The following SLIT2 variants were observed in gnomAD, a reference collection of about 807,000 sequenced individuals.
SLIT2 encodes slit homolog 2 protein.
Under a neutral mutation model 185.7 loss-of-function variants are expected in SLIT2, and 41 were observed. The observed-to-expected ratio is 0.22, with a 90% confidence interval of 0.17 to 0.29. The LOEUF is 0.29. Ranked by LOEUF, SLIT2 falls within the 10% of genes least tolerant of loss-of-function variation. The pLI is 1.00. For missense variants in SLIT2, 1,571 were observed against 1,909.0 expected (o/e 0.82, Z 3.30); for synonymous variants, 693 against 680.2 (o/e 1.02, Z -0.29).
At chr4:20,388,604 T>C (rs1725116949) in intron 4 of SLIT2, among the ~76,000 whole-genome samples, 1 of 151,520 alleles carries the variant, frequency 6.6e-6, no homozygotes, top group Admixed American at 6.6e-5. Context: ...CAAAACCCCA[T>C]CTCTACTACA....
chr4:20,425,627 C>T (rs1728501135), intron 4 of SLIT2, among the ~76,000 whole-genome samples: 1 of 152,166 alleles, frequency 6.6e-6, no homozygotes, highest in South Asian at 2.1e-4. Context: ...TTTTCCAAAT[C>T]TTCCTGTCCA....
At chr4:20,262,784 C>T (rs985191606) in intron 3 of SLIT2, among the ~76,000 whole-genome samples, 32 of 151,854 alleles carry the variant, frequency 2.1e-4, no homozygotes, top group African/African-American at 7.7e-4. Flanking sequence ...TTTACTGACG[C>T]TGGTCATAGA....
In SLIT2 at chr4:20,359,459, G is replaced by A. The variant is rs550772796; in HGVS notation, c.395+90578G>A. Among the ~76,000 whole-genome samples the A allele has an allele frequency of 7.2e-5, 11 of 152,178 alleles. No individual in the cohort carries two copies. The South Asian group carries it at 2.3e-3, about 32-fold the overall frequency. On this transcript the variant is annotated intron_variant, in intron 4 of 36. Coordinates refer to ENST00000504154, the MANE Select transcript of SLIT2 (RefSeq NM_004787.4). ...ATCTACTAAGCACTTAAAAATTAGA[G>A]ACAAATAATATTCAGATTCATATGT...
At chr4:20,589,992 TCC>T (rs1727378528) in intron 30 of SLIT2, among the ~76,000 whole-genome samples, 1 of 132,794 alleles carries the variant, frequency 7.5e-6, no homozygotes, top group Non-Finnish European at 1.5e-5. Flanking sequence ...TACAACCTCC[TCC>T]TCCCAGGTTC....
rs563104468 is a variant in SLIT2 at position 20,363,162 on chromosome 4, T to C, written c.395+94281T>C. 4.9e-4 allele frequency among the ~76,000 whole-genome samples: 74 copies of C among 152,134 alleles called. 2 individuals carry two copies. Among genetic ancestry groups the C allele is most frequent in the Admixed American group, 3.9e-3 (60 of 15,252 alleles). ...TATAGTGAATCTCATGAACAAGTAA[T>C]ATAGACTAAACAATCTGACATTAAA... On this transcript the variant is annotated intron_variant, in intron 4 of 36. Transcript: ENST00000504154.
chr4:20,488,531 G>A (rs1332305041), intron 7 of SLIT2, among the ~76,000 whole-genome samples: 20 of 151,694 alleles, frequency 1.3e-4, no homozygotes, highest in Non-Finnish European at 2.8e-4. Context: ...GGAGCAATTT[G>A]CATTGGACTT....
intron 16 of SLIT2, among the ~76,000 whole-genome samples, chr4:20,530,729 A>G (rs1721724371): frequency 1.3e-5 from 2 of 152,266 alleles, no homozygotes; most frequent in Middle Eastern, 3.4e-3. Context: ...AAATATTTGC[A>G]AGTCATGTAT....
chr4:20,463,690 A>G (rs1714032525), intron 4 of SLIT2, among the ~76,000 whole-genome samples: 1 of 150,112 alleles, frequency 6.7e-6, no homozygotes, highest in Non-Finnish European at 1.5e-5. Flanking sequence ...CTGGCTAACA[A>G]GGCAAAACCC....
chr4:20,596,489 A>G lies in SLIT2; in HGVS notation c.3395A>G (p.Asn1132Ser), dbSNP rs1487887474. ...TSPCDNFDCQ[N>S]GAQCIVRINE... ...CCCTGTGATAATTTTGATTGTCAGA[A>G]TGGAGCTCAGTGTATCGTCAGAATA... The change falls in exon 32 of 37, where the codon AAT (asparagine) becomes AGT (serine). Residue 1132 changes from asparagine (N) to serine (S), a missense_variant. Asn to Ser is a conservative substitution (Grantham distance 46). This residue lies in a region of SLIT2 where 1,202 missense variants were observed against 1,416.4 expected (regional missense o/e 0.85). Coordinates refer to ENST00000504154, the MANE Select transcript of SLIT2 (RefSeq NM_004787.4). The G allele has an allele frequency of 2.5e-6, 4 of 1,614,050 alleles. No individual in the cohort carries two copies. Among genetic ancestry groups the G allele is most frequent in the Non-Finnish European group, 3.4e-6 (4 of 1,179,944 alleles).
intron 4 of SLIT2, among the ~76,000 whole-genome samples, chr4:20,454,409 T>C (rs1249256911): frequency 6.6e-6 from 1 of 152,216 alleles, no homozygotes; most frequent in Non-Finnish European, 1.5e-5. Context: ...AAATATACTT[T>C]TAATCAAATT....
intron 4 of SLIT2, among the ~76,000 whole-genome samples, chr4:20,392,678 C>A (rs1413505079): frequency 6.6e-6 from 1 of 152,022 alleles, no homozygotes; most frequent in Non-Finnish European, 1.5e-5. Context: ...AAGTGCTTTT[C>A]TATTTTTAAT....
chr4:20,293,539 G>A (rs893444359), intron 4 of SLIT2, among the ~76,000 whole-genome samples: 8 of 152,214 alleles, frequency 5.3e-5, no homozygotes, highest in Admixed American at 3.3e-4. Flanking sequence ...TGATTATCAA[G>A]TGAAGTTCTT....
intron 18 of SLIT2, among the ~76,000 whole-genome samples, chr4:20,536,004 C>T (rs1320821760): frequency 6.6e-6 from 1 of 152,206 alleles, no homozygotes; most frequent in African/African-American, 2.4e-5. Context: ...GGCTACAAAC[C>T]TGTGCAGCAT....
At chr4:20,334,786 A>G (rs1720353949) in intron 4 of SLIT2, among the ~76,000 whole-genome samples, 1 of 152,182 alleles carries the variant, frequency 6.6e-6, no homozygotes, top group African/African-American at 2.4e-5. Flanking sequence ...TACTACTAAT[A>G]TGGCAAATCA....
chr4:20,614,965 G>C (rs532518819), intron 34 of SLIT2: 69 of 152,140 alleles, frequency 4.5e-4, no homozygotes, highest in African/African-American at 1.4e-3. Context: ...CTAATTGTTA[G>C]CTTTGGAACA....
intron 33 of SLIT2, among the ~76,000 whole-genome samples, chr4:20,599,239 G>A (rs545118112): frequency 6.6e-6 from 1 of 152,070 alleles, no homozygotes; most frequent in Non-Finnish European, 1.5e-5. Context: ...GGTGGTATTC[G>A]TGGGGTATAA....
intron 29 of SLIT2, among the ~76,000 whole-genome samples, chr4:20,585,040 G>C (rs1726934015): frequency 6.6e-6 from 1 of 151,808 alleles, no homozygotes; most frequent in Non-Finnish European, 1.5e-5. Flanking sequence ...GACTGACAGA[G>C]CAAGACTCTA....
At chr4:20,503,493 A>G (rs6447964) in intron 9 of SLIT2, among the ~76,000 whole-genome samples, 36,846 of 152,002 alleles carry the variant, frequency 0.24, 5,302 homozygotes, top group African/African-American at 0.41. Flanking sequence ...TTAAAAATAT[A>G]TATATGAAAA....
At chr4:20,585,056 AAAAAAAC>A (rs958293831) in intron 29 of SLIT2, among the ~76,000 whole-genome samples, 12 of 152,240 alleles carry the variant, frequency 7.9e-5, no homozygotes, top group South Asian at 2.1e-4. Context: ...CTCTATCTCA[AAAAAAAC>A]AAAAAACAAA....
Sources: allele counts gnomAD v4.1 joint callset (sites outside exome capture counted in the v4.1 genomes callset), GRCh38; gene constraint gnomAD v4.1.1; regional missense constraint gnomAD v4.1.1; transcripts MANE v1.5; gene names NCBI Gene and HGNC (gene_info 2026-07-23, HGNC 2026-07-21).